Variants in AGPAT5 observed in about 807,000 individuals in gnomAD.
The protein encoded by AGPAT5 is 1-acylglycerol-3-phosphate O-acyltransferase 5, also known as 1-acyl-sn-glycerol-3-phosphate acyltransferase epsilon.
Under a neutral mutation model 45.6 loss-of-function variants are expected in AGPAT5, and 46 were observed. The ratio of observed to expected loss-of-function variants is 1.01; its 90% CI spans 0.80 to 1.29. The LOEUF is 1.29. Among genes scored for constraint, AGPAT5 ranks in the 50% most tolerant of loss-of-function variants. The pLI is 0.00. For synonymous variants in AGPAT5, 272 were observed against 167.0 expected, an observed-to-expected ratio of 1.63 and a Z score of -4.85; for missense variants, 673 against 450.7, an observed-to-expected ratio of 1.49 and a Z score of -4.47.
chr8:6,719,165 A>G (rs1800423436), intron 1 of AGPAT5, among the ~76,000 whole-genome samples: 1 of 152,246 alleles, frequency 6.6e-6, no homozygotes, highest in African/African-American at 2.4e-5. Context: ...ACATTTGTGG[A>G]AAGCAAGTTT....
chr8:6,716,344 A>C (rs1272955221), intron 1 of AGPAT5, among the ~76,000 whole-genome samples: 1 of 152,006 alleles, frequency 6.6e-6, no homozygotes, highest in Admixed American at 6.6e-5. Flanking sequence ...GGATCACTTG[A>C]GGTCAGGCAT....
At chr8:6,743,701 G>T (rs970703866) in intron 5 of AGPAT5, among the ~76,000 whole-genome samples, 2 of 151,042 alleles carry the variant, frequency 1.3e-5, no homozygotes, top group Admixed American at 1.3e-4. Context: ...CTTTCTAATG[G>T]TTATAAGGGA....
At chr8:6,740,133 C>G (rs936276234) in intron 4 of AGPAT5, among the ~76,000 whole-genome samples, 2 of 152,106 alleles carry the variant, frequency 1.3e-5, no homozygotes, top group African/African-American at 4.8e-5. Flanking sequence ...TGCTGTCTGT[C>G]AATGTTCTTT....
chr8:6,752,484 G>A (rs1276430323), intron 6 of AGPAT5, among the ~76,000 whole-genome samples: 4 of 151,986 alleles, frequency 2.6e-5, no homozygotes, highest in Non-Finnish European at 5.9e-5. Flanking sequence ...AGGCTATATA[G>A]TGTTCATTGA....
chr8:6,738,018 A>T (rs1008977524), intron 4 of AGPAT5, among the ~76,000 whole-genome samples: 1 of 152,156 alleles, frequency 6.6e-6, no homozygotes, highest in Non-Finnish European at 1.5e-5. Context: ...TTTTATCTAG[A>T]GCACTCAAAC....
rs1801249619 is a variant in AGPAT5 at position 6,741,693 on chromosome 8, G to T, written c.528G>T (p.Arg176Ser). 6.2e-7 allele frequency: 1 copy of T among 1,612,462 alleles called. No individual in the cohort carries two copies. Among genetic ancestry groups the T allele is most frequent in the African/African-American group, 1.3e-5 (1 of 74,970 alleles). ...TTGTGATTTTTCCAGAAGGTACAAG[G>T]TATAATCCAGAGCAAACAAAAGTCC... ...MYLVIFPEGT[R>S]YNPEQTKVLS... is the part of the protein sequence containing the mutation. Residue 176 changes from arginine (R) to serine (S), a missense_variant, in exon 5 of 8, where the codon AGG becomes AGT. Arg to Ser is a moderately radical substitution (Grantham distance 110). Coordinates refer to ENST00000285518, the MANE Select transcript of AGPAT5 (RefSeq NM_018361.5).
intron 5 of AGPAT5, among the ~76,000 whole-genome samples, chr8:6,747,040 G>T (rs1801495452): frequency 6.6e-6 from 1 of 152,186 alleles, no homozygotes. Flanking sequence ...ACAAAAGCTT[G>T]TTCACCTGCA....
chr8:6,743,641 G>T (rs1029811484), intron 5 of AGPAT5, among the ~76,000 whole-genome samples: 1 of 152,148 alleles, frequency 6.6e-6, no homozygotes, highest in African/African-American at 2.4e-5. Context: ...TCAGCTGTTC[G>T]AAGGGTTTTG....
At chr8:6,723,327 A>G (rs1029177509) in intron 1 of AGPAT5, among the ~76,000 whole-genome samples, 9 of 152,206 alleles carry the variant, frequency 5.9e-5, no homozygotes, top group Admixed American at 4.6e-4. Flanking sequence ...GAGTGTGGGC[A>G]GGTGCGCACC....
intron 3 of AGPAT5, among the ~76,000 whole-genome samples, 199 bp from the exon 4 acceptor site, chr8:6,732,362 T>C (rs1414297325): frequency 6.6e-6 from 1 of 152,242 alleles, no homozygotes; most frequent in Non-Finnish European, 1.5e-5. Context: ...ACATGCAGTT[T>C]TTTTGAATTA....
chr8:6,718,386 T>C (rs1025185621), intron 1 of AGPAT5, among the ~76,000 whole-genome samples: 2 of 152,230 alleles, frequency 1.3e-5, no homozygotes, highest in Non-Finnish European at 2.9e-5. Flanking sequence ...AGGTCTTGTG[T>C]GTACAGTCGT....
chr8:6,719,442 T>G (rs1800430721), intron 1 of AGPAT5, among the ~76,000 whole-genome samples: 2 of 152,208 alleles, frequency 1.3e-5, no homozygotes, highest in South Asian at 4.1e-4. Flanking sequence ...AAGCCTTCCA[T>G]CACAATTCCC....
intron 1 of AGPAT5, among the ~76,000 whole-genome samples, chr8:6,720,483 C>G (rs1327763158): frequency 5.9e-5 from 9 of 152,138 alleles, no homozygotes; most frequent in African/African-American, 2.2e-4. Context: ...AAGGCTCCTC[C>G]ATGTTTGTAA....
At chr8:6,728,981 C>T (rs181887136) in intron 2 of AGPAT5, among the ~76,000 whole-genome samples, 4 of 152,290 alleles carry the variant, frequency 2.6e-5, no homozygotes, top group Middle Eastern at 3.4e-3. Context: ...TTGTGTCTGT[C>T]TCTGGGATCA....
intron 1 of AGPAT5, 197 bp downstream of exon 1, chr8:6,709,084 C>A: frequency 1.5e-6 from 1 of 671,132 alleles, no homozygotes; most frequent in Non-Finnish European, 2.6e-6. Context: ...GAAGCTGTGG[C>A]TGCGTCGTCC....
chr8:6,745,533 T>A (rs1435444637), intron 5 of AGPAT5, among the ~76,000 whole-genome samples: 1 of 152,200 alleles, frequency 6.6e-6, no homozygotes, highest in Non-Finnish European at 1.5e-5. Context: ...ATTTATACCT[T>A]TATAACCAGG....
intron 1 of AGPAT5, among the ~76,000 whole-genome samples, chr8:6,722,196 A>G (rs572432330): frequency 6.6e-6 from 1 of 152,284 alleles, no homozygotes; most frequent in Admixed American, 6.5e-5. Context: ...ACCTTTACAG[A>G]TGGAAATTCA....
At chr8:6,755,304 T>C in intron 7 of AGPAT5, 130 bp downstream of exon 7, 1 of 1,025,710 alleles carries the variant, frequency 9.7e-7, no homozygotes, top group South Asian at 1.7e-5. Flanking sequence ...AATCAAATTT[T>C]ATGCATGTCT....
chr8:6,755,741 T>C (rs1395509033), intron 7 of AGPAT5, among the ~76,000 whole-genome samples: 1 of 152,260 alleles, frequency 6.6e-6, no homozygotes, highest in Non-Finnish European at 1.5e-5. Context: ...GAAACTATCA[T>C]TGTTCTTCTT....
Sources: gnomAD v4.1 joint callset for allele counts (sites outside exome capture counted in the v4.1 genomes callset) on GRCh38, gnomAD v4.1.1 for gene constraint, MANE v1.5 for transcripts, NCBI Gene and HGNC (gene_info 2026-07-23, HGNC 2026-07-21) for gene names.